Variants in CLCA1 observed in about 807,000 individuals in gnomAD.
The protein encoded by CLCA1 is chloride channel accessory 1, also known as calcium-activated chloride channel regulator 1.
A neutral mutation model predicts 85.6 loss-of-function variants in CLCA1; 59 were observed. The observed-to-expected ratio is 0.69, with a 90% CI of 0.56 to 0.86. The LOEUF (loss-of-function observed/expected upper bound fraction) is 0.86, where lower values mean the gene tolerates loss of function less well. CLCA1 is among the 40% of genes least tolerant of loss of function. The pLI is 0.00. For synonymous variants in CLCA1, 396 were observed against 398.3 expected (o/e 0.99, Z 0.07); for missense variants, 1,022 against 1,101.4 (o/e 0.93, Z 1.02).
chr1:86,498,544 C>A, intron 12 of CLCA1, 28 bp from the exon 13 acceptor site: 1 of 1,603,874 alleles, frequency 6.2e-7, no homozygotes, highest in Non-Finnish European at 8.5e-7. Flanking sequence ...ATGTTGCTTA[C>A]CATATTTTGA....
Position 86,473,427 on chromosome 1 carries a change from C to A in CLCA1, c.173C>A (p.Thr58Asn). The change falls in exon 2 of 14, where the codon ACC (threonine) becomes AAC (asparagine). Residue 58 changes from threonine (T) to asparagine (N), a missense_variant. Physicochemically the swap from Thr to Asn is moderately conservative, Grantham distance 65. Transcript: ENST00000394711. ...TCTTTTTCTTCCCAGGACATGGTGA[C>A]CCAGGCATCTCTGTATCTGCTTGAA... ...TLIQQIKDMV[T>N]QASLYLLEAT... The A allele has an allele frequency of 6.3e-7, 1 of 1,577,064 alleles. No homozygotes were observed. Among genetic ancestry groups the A allele is most frequent in the Non-Finnish European group, 8.7e-7 (1 of 1,155,672 alleles).
Position 86,494,324 on chromosome 1 carries a change from C to A in CLCA1, c.1818C>A (p.Ser606Arg). ...KTNKDTSKFP[S>R]PLVVYANIRQ... is the part of the protein sequence containing the mutation. ...ACAAGGACACCAGCAAATTCCCCAG[C>A]CCTCTGGTAGTTTATGCAAATATTC... Residue 606 changes from serine to arginine, a missense_variant, in exon 11 of 14, where the codon AGC becomes AGA. By Grantham distance (110) the Ser-to-Arg change is moderately radical (BLOSUM62 -1). Coordinates refer to ENST00000394711, the MANE Select transcript of CLCA1 (RefSeq NM_001285.4). 8.1e-6 allele frequency: 13 copies of A among 1,614,138 alleles called. No homozygotes were observed. Among genetic ancestry groups the A allele is most frequent in the Non-Finnish European group, 1.1e-5 (13 of 1,180,026 alleles).
intron 1 of CLCA1, among the ~76,000 whole-genome samples, chr1:86,472,026 G>GTTT (rs111327696): frequency 6.0e-4 from 89 of 148,714 alleles, no homozygotes; most frequent in Non-Finnish European, 9.4e-4. Flanking sequence ...TTACATTTTT[G>GTTT]TTTTTTTTTT....
At chr1:86,485,770 T>G (rs568086034) in intron 6 of CLCA1, among the ~76,000 whole-genome samples, 2 of 152,240 alleles carry the variant, frequency 1.3e-5, no homozygotes, top group Non-Finnish European at 2.9e-5. Context: ...ATTTTCAATT[T>G]ATGAACCAAG....
intron 6 of CLCA1, 33 bp downstream of exon 6, chr1:86,485,594 T>C: frequency 6.3e-7 from 1 of 1,590,150 alleles, no homozygotes; most frequent in Non-Finnish European, 8.6e-7. Context: ...TTCTGGATGC[T>C]GGTCACAGAT....
chr1:86,471,829 G>T (rs1370001428), intron 1 of CLCA1, among the ~76,000 whole-genome samples: 2 of 151,974 alleles, frequency 1.3e-5, no homozygotes, highest in Non-Finnish European at 2.9e-5. Context: ...AGTAAAATAA[G>T]TTCTTTAAGT....
intron 9 of CLCA1, 88 bp downstream of exon 9, chr1:86,491,459 C>A: frequency 2.4e-6 from 2 of 827,536 alleles, no homozygotes; most frequent in Non-Finnish European, 3.9e-6. Context: ...TTAAGTTTTC[C>A]ACTCTTCTGG....
chr1:86,485,353 T>A lies in CLCA1; in HGVS notation c.746T>A (p.Phe249Tyr). Residue 249 changes from phenylalanine (F) to tyrosine (Y), a missense_variant, in exon 6 of 14, where the codon TTC (phenylalanine) becomes TAC (tyrosine). Physicochemically the swap from Phe to Tyr is conservative, Grantham distance 22. Coordinates refer to ENST00000394711, the MANE Select transcript of CLCA1 (RefSeq NM_001285.4). ...CATTGACAATTTCAGATAGTTGAATTCTGTACAGAACAAAACCACAACAAA... is the reference window on the plus strand; with the variant it reads ...CATTGACAATTTCAGATAGTTGAATACTGTACAGAACAAAACCACAACAAA... ...FAQHVDSIVE[F>Y]CTEQNHNKEA... The A allele has an allele frequency of 6.2e-7, 1 of 1,612,516 alleles. No homozygotes were observed. The highest frequency in any genetic ancestry group is 2.2e-5 in the East Asian group (1 of 44,870).
intron 13 of CLCA1, among the ~76,000 whole-genome samples, chr1:86,499,414 C>T (rs1024077875): frequency 1.3e-5 from 2 of 152,294 alleles, no homozygotes; most frequent in East Asian, 1.9e-4. Context: ...CAAGGCTTTA[C>T]GTCATGCCCA....
intron 12 of CLCA1, among the ~76,000 whole-genome samples, chr1:86,496,471 G>A (rs1420962348): frequency 2.0e-5 from 3 of 152,130 alleles, no homozygotes; most frequent in African/African-American, 4.8e-5. Context: ...ACCACTTTTG[G>A]TTACAAACAC....
chr1:86,487,382 A>G (rs1478333111), intron 7 of CLCA1, among the ~76,000 whole-genome samples: 8 of 152,168 alleles, frequency 5.3e-5, no homozygotes, highest in Non-Finnish European at 1.2e-4. Flanking sequence ...TGGTGAAGAG[A>G]GAACCTCTGA....
At position 86,489,090 on chromosome 1, in the gene CLCA1, A is replaced by G. The variant is rs4647852; in HGVS notation, c.1277A>G (p.Lys426Arg). Residue 426 changes from lysine to arginine, a missense_variant, in exon 8 of 14, where the codon AAA (lysine) becomes AGA (arginine). Coordinates refer to ENST00000394711, the MANE Select transcript of CLCA1 (RefSeq NM_001285.4). ...ATAAGTGGGTGCTTTAACGAGGTCA[A>G]ACAAAGTGGTGCCATCATCCACACA... is the stretch of plus-strand genomic sequence containing the variant. ...NTISGCFNEV[K>R]QSGAIIHTVA... 20 of 1,614,110 alleles carry G rather than the reference A, an allele frequency of 1.2e-5. No individual in the cohort carries two copies. Among genetic ancestry groups the G allele is most frequent in the Middle Eastern group, 1.6e-4 (1 of 6,062 alleles).
intron 5 of CLCA1, among the ~76,000 whole-genome samples, chr1:86,483,112 T>C (rs1337926805): frequency 6.6e-6 from 1 of 152,158 alleles, no homozygotes; most frequent in Non-Finnish European, 1.5e-5. Flanking sequence ...GAATGGAGCA[T>C]AAGTTTTTAA....
chr1:86,489,414 G>T (rs1002925056), intron 8 of CLCA1, among the ~76,000 whole-genome samples: 2 of 152,216 alleles, frequency 1.3e-5, no homozygotes, highest in African/African-American at 4.8e-5. Flanking sequence ...TGAGGACTCA[G>T]GACCTTCTTC....
At chr1:86,492,825 G>A (rs1648171186) in intron 9 of CLCA1, among the ~76,000 whole-genome samples, 2 of 152,166 alleles carry the variant, frequency 1.3e-5, no homozygotes, top group South Asian at 4.1e-4. Flanking sequence ...AAGTCACAGT[G>A]AGTCCCCTTA....
At chr1:86,473,325 T>C in intron 1 of CLCA1, 92 bp from the exon 2 acceptor site, 1 of 928,508 alleles carries the variant, frequency 1.1e-6, no homozygotes, top group South Asian at 2.0e-5. Context: ...TAACAAGTTT[T>C]TGAAAATGTG....
chr1:86,470,722 C>T (rs1647478377), intron 1 of CLCA1, among the ~76,000 whole-genome samples: 1 of 152,158 alleles, frequency 6.6e-6, no homozygotes, highest in African/African-American at 2.4e-5. Context: ...ATAGAATGCT[C>T]AAAGTCCCTA....
chr1:86,476,181 C>A (rs1223633652), intron 3 of CLCA1, among the ~76,000 whole-genome samples: 1 of 152,142 alleles, frequency 6.6e-6, no homozygotes, highest in Non-Finnish European at 1.5e-5. Flanking sequence ...CTCCACTACA[C>A]CAGGAGCTAT....
chr1:86,493,262 T>G, intron 9 of CLCA1, 122 bp from the exon 10 acceptor site: 1 of 712,112 alleles, frequency 1.4e-6, no homozygotes, highest in Non-Finnish European at 2.4e-6. Flanking sequence ...TAACACCAAA[T>G]CAAGGATTCA....
Sources: gnomAD v4.1 joint callset for allele counts (sites outside exome capture counted in the v4.1 genomes callset) on GRCh38, gnomAD v4.1.1 for gene constraint, MANE v1.5 for transcripts, NCBI Gene and HGNC (gene_info 2026-07-23, HGNC 2026-07-21) for gene names.